PTPRG: variants seen among roughly 807,000 people sequenced by gnomAD.
The protein encoded by PTPRG is protein tyrosine phosphatase receptor type G.
Under a neutral mutation model 165.3 loss-of-function variants are expected in PTPRG, and 102 were observed. The ratio of observed to expected loss-of-function variants is 0.62; its 90% confidence interval spans 0.53 to 0.73. The LOEUF (loss-of-function observed/expected upper bound fraction) is 0.73, where lower values mean the gene tolerates loss of function less well. PTPRG is among the 30% of genes least tolerant of loss of function. The pLI is 0.00. For synonymous variants in PTPRG, 675 were observed against 669.5 expected (o/e 1.01, Z -0.13); for missense variants, 1,866 against 1,861.4 (o/e 1.00, Z -0.05).
intron 4 of PTPRG, among the ~76,000 whole-genome samples, chr3:62,029,352 G>A (rs547954341): frequency 8.7e-4 from 133 of 152,214 alleles, no homozygotes; most frequent in Non-Finnish European, 1.6e-3. Context: ...TCAAATGTGC[G>A]TCCCAGAAAG....
intron 2 of PTPRG, among the ~76,000 whole-genome samples, chr3:61,976,719 G>T (rs1333758635): frequency 3.3e-5 from 5 of 151,250 alleles, no homozygotes; most frequent in Non-Finnish European, 7.4e-5. Context: ...GTCTTGCCCA[G>T]GCTGGCATCC....
intron 5 of PTPRG, among the ~76,000 whole-genome samples, chr3:62,120,419 A>G (rs1464054640): frequency 6.6e-6 from 1 of 152,258 alleles, no homozygotes; most frequent in Non-Finnish European, 1.5e-5. Flanking sequence ...TTGGGGATTT[A>G]GTCTGCTGGA....
chr3:61,869,222 C>A (rs1575737327), intron 2 of PTPRG, among the ~76,000 whole-genome samples: 1 of 152,202 alleles, frequency 6.6e-6, no homozygotes, highest in Non-Finnish European at 1.5e-5. Context: ...GCCAACTTCT[C>A]TGAAGCATTT....
At chr3:62,106,255 T>G (rs1219911407) in intron 5 of PTPRG, among the ~76,000 whole-genome samples, 2 of 152,170 alleles carry the variant, frequency 1.3e-5, no homozygotes, top group African/African-American at 4.8e-5. Flanking sequence ...CAATTCACAG[T>G]GAGTGAACTT....
At chr3:62,144,926 C>G (rs2106655964) in intron 6 of PTPRG, among the ~76,000 whole-genome samples, 1 of 152,046 alleles carries the variant, frequency 6.6e-6, no homozygotes, top group South Asian at 2.1e-4. Flanking sequence ...CCTTGTTTGT[C>G]AATATTTTAT....
chr3:61,995,080 C>CTT lies in PTPRG; in HGVS notation c.370+5278_370+5279dup, dbSNP rs1233679653. Among the ~76,000 whole-genome samples the CTT allele has an allele frequency of 5.7e-3, 613 of 107,246 alleles. 12 individuals carry two copies. Among genetic ancestry groups the CTT allele is most frequent in the African/African-American group, 0.022 (523 of 24,136 alleles). 70.4% of individuals were successfully genotyped at this position (107,246 alleles called of 152,430 possible). A position where few individuals can be genotyped will look rare whatever the true frequency, so the allele number is the denominator to read the frequency against. ...TTCTTTTTTCTTTTTTCTTTTCTTT[C>CTT]TTTCTTTTTTTTTTTTTTTTTTTTT... On this transcript the variant is annotated intron_variant, in intron 3 of 29. Transcript: ENST00000474889.
chr3:62,011,328 C>T (rs2041419031), intron 4 of PTPRG, among the ~76,000 whole-genome samples: 1 of 152,166 alleles, frequency 6.6e-6, no homozygotes, highest in African/African-American at 2.4e-5. Context: ...GGAACCCTTC[C>T]CTTACTGTCT....
chr3:61,693,930 C>G (rs2030385979), intron 1 of PTPRG, among the ~76,000 whole-genome samples: 1 of 151,180 alleles, frequency 6.6e-6, no homozygotes, highest in Non-Finnish European at 1.5e-5. Flanking sequence ...ATCGCTTGAA[C>G]CCAGGAGGCA....
intron 2 of PTPRG, among the ~76,000 whole-genome samples, chr3:61,831,043 T>C (rs2107293131): frequency 6.6e-6 from 1 of 152,378 alleles, no homozygotes; most frequent in Admixed American, 6.5e-5. Flanking sequence ...TTGTACTGTC[T>C]GATATTCTCA....
intron 1 of PTPRG, among the ~76,000 whole-genome samples, chr3:61,574,848 G>A (rs1342107212): frequency 6.6e-6 from 1 of 152,148 alleles, no homozygotes; most frequent in African/African-American, 2.4e-5. Flanking sequence ...CCCAAGTGAT[G>A]CCCTGGCTTC....
At chr3:61,831,194 G>A (rs2036282519) in intron 2 of PTPRG, among the ~76,000 whole-genome samples, 1 of 152,114 alleles carries the variant, frequency 6.6e-6, no homozygotes, top group Non-Finnish European at 1.5e-5. Flanking sequence ...GCATTATTCA[G>A]GCATAACCCA....
intron 8 of PTPRG, among the ~76,000 whole-genome samples, chr3:62,171,389 A>G (rs1705209659): frequency 6.6e-6 from 1 of 152,104 alleles, no homozygotes. Context: ...AGTTTAGGAA[A>G]TTTTCCTATT....
chr3:61,692,112 CAG>C (rs2030255681), intron 1 of PTPRG, among the ~76,000 whole-genome samples: 6 of 152,336 alleles, frequency 3.9e-5, no homozygotes, highest in Admixed American at 1.3e-4. Flanking sequence ...TGCTCCTACG[CAG>C]AGTTTTCTCC....
intron 2 of PTPRG, among the ~76,000 whole-genome samples, chr3:61,960,091 A>G (rs1011321920): frequency 5.3e-5 from 8 of 151,942 alleles, no homozygotes; most frequent in Non-Finnish European, 1.0e-4. Context: ...TGATATTTTT[A>G]TTTCACATTC....
chr3:61,562,439 T>A (rs1476786431), intron 1 of PTPRG, 67 bp downstream of exon 1: 17 of 1,509,590 alleles, frequency 1.1e-5, no homozygotes, highest in Admixed American at 3.4e-5. Flanking sequence ...AGTTGTCGCC[T>A]GGGCGCGGAG....
At chr3:62,101,184 A>C (rs940172103) in intron 5 of PTPRG, among the ~76,000 whole-genome samples, 1 of 152,196 alleles carries the variant, frequency 6.6e-6, no homozygotes, top group East Asian at 1.9e-4. Flanking sequence ...TATTCTTTCT[A>C]CTTTTGTTTA....
intron 2 of PTPRG, among the ~76,000 whole-genome samples, chr3:61,925,724 C>G (rs1575791129): frequency 6.7e-6 from 1 of 148,830 alleles, no homozygotes; most frequent in Non-Finnish European, 1.5e-5. Context: ...GCCTGGGTGA[C>G]AGAATGAGAC....
At chr3:62,253,151 G>A (rs1262307050) in intron 15 of PTPRG, among the ~76,000 whole-genome samples, 1 of 152,156 alleles carries the variant, frequency 6.6e-6, no homozygotes, top group African/African-American at 2.4e-5. Context: ...TCTGAGGTGG[G>A]CTATGGCCTT....
intron 2 of PTPRG, among the ~76,000 whole-genome samples, chr3:61,864,402 T>G (rs2037350866): frequency 6.6e-6 from 1 of 152,124 alleles, no homozygotes; most frequent in African/African-American, 2.4e-5. Flanking sequence ...GGACAGTGCT[T>G]CTCCTTGTGT....
Sources: allele counts gnomAD v4.1 joint callset (sites outside exome capture counted in the v4.1 genomes callset), GRCh38; gene constraint gnomAD v4.1.1; transcripts MANE v1.5; gene names NCBI Gene and HGNC (gene_info 2026-07-23, HGNC 2026-07-21).